The following ME3 variants were observed in gnomAD, a reference collection of about 807,000 sequenced individuals.
ME3 encodes NADP-dependent malic enzyme, mitochondrial.
Under a neutral mutation model 68.9 loss-of-function variants are expected in ME3, and 48 were observed. The observed-to-expected ratio is 0.70, with a 90% CI of 0.55 to 0.89. The LOEUF (loss-of-function observed/expected upper bound fraction) is 0.89, where lower values mean the gene tolerates loss of function less well. ME3 is among the 40% of genes least tolerant of loss of function. The pLI is 0.00. For synonymous variants in ME3, 320 were observed against 318.8 expected, an observed-to-expected ratio of 1.00 and a Z score of -0.04; for missense variants, 675 against 797.4, an observed-to-expected ratio of 0.85 and a Z score of 1.85.
intron 2 of ME3, among the ~76,000 whole-genome samples, chr11:86,666,357 A>T (rs1042999894): frequency 3.9e-5 from 6 of 152,236 alleles, no homozygotes; most frequent in African/African-American, 1.2e-4. Context: ...ACTGGATGGC[A>T]GAGAAACAAA....
intron 8 of ME3, chr11:86,457,240 T>C (rs1949991724): frequency 6.5e-6 from 1 of 154,106 alleles, no homozygotes; most frequent in Non-Finnish European, 1.4e-5. Context: ...TGGTCCTATA[T>C]GTCCCACCCT....
chr11:86,477,832 T>C (rs1346309010), intron 7 of ME3, among the ~76,000 whole-genome samples: 1 of 152,164 alleles, frequency 6.6e-6, no homozygotes, highest in African/African-American at 2.4e-5. Flanking sequence ...GTATGCATTT[T>C]GATAGTCTCC....
intron 2 of ME3, among the ~76,000 whole-genome samples, chr11:86,611,649 T>C (rs1402110648): frequency 6.6e-6 from 1 of 151,576 alleles, no homozygotes; most frequent in Non-Finnish European, 1.5e-5. Context: ...AGTGCTGTAT[T>C]CAAAGGAGGG....
chr11:86,637,023 A>T (rs17149223), intron 2 of ME3, among the ~76,000 whole-genome samples: 14,412 of 152,256 alleles, frequency 0.095, 704 homozygotes, highest in South Asian at 0.13. Context: ...GCCTGCCATC[A>T]TTCTTGAATC....
intron 7 of ME3, among the ~76,000 whole-genome samples, chr11:86,487,053 G>A (rs145070497): frequency 6.6e-6 from 1 of 152,142 alleles, no homozygotes; most frequent in African/African-American, 2.4e-5. Flanking sequence ...AGGCCAAGGG[G>A]GTTTTTCTCC....
chr11:86,534,073 GTGTGTGTGTATA>G (rs1396138851), intron 4 of ME3, among the ~76,000 whole-genome samples: 5,260 of 74,380 alleles, frequency 0.071, 110 homozygotes, highest in South Asian at 0.22. Flanking sequence ...TGAGGTGTGT[GTGTGTGTGTATA>G]TATATATATA....
chr11:86,654,774 G>A (rs1180593282), intron 2 of ME3, among the ~76,000 whole-genome samples: 8 of 152,116 alleles, frequency 5.3e-5, no homozygotes, highest in African/African-American at 1.9e-4. Flanking sequence ...AGGAAATAAA[G>A]GTCATTCAAT....
chr11:86,644,736 G>A lies in ME3; in HGVS notation c.183+27026C>T, dbSNP rs115528887. Among the ~76,000 whole-genome samples the A allele has an allele frequency of 3.8e-3, 584 of 152,154 alleles. 4 individuals are homozygous for A. Among genetic ancestry groups the A allele is most frequent in the African/African-American group, 0.013 (549 of 41,472 alleles). On this transcript the variant is annotated intron_variant, in intron 2 of 14. Coordinates refer to ENST00000543262, the Ensembl canonical transcript of ME3. Reference sequence around the variant, plus strand: ...ACACTATACTCTGTTTATTTATTCCGTACCACCAATAACCATTGTTAGGAT... The same window carrying A: ...ACACTATACTCTGTTTATTTATTCCATACCACCAATAACCATTGTTAGGAT...
At chr11:86,556,480 A>G (rs1433140876) in intron 4 of ME3, 73 bp downstream of exon 4, 3 of 1,525,210 alleles carry the variant, frequency 2.0e-6, no homozygotes, top group East Asian at 2.3e-5. Context: ...CCCAATATGC[A>G]TGAAGGGCGG....
At chr11:86,582,388 C>T (rs1315521965) in intron 2 of ME3, among the ~76,000 whole-genome samples, 1 of 152,156 alleles carries the variant, frequency 6.6e-6, no homozygotes, top group Admixed American at 6.6e-5. Context: ...GTCCTTGGCC[C>T]CTACCTGTAA....
At chr11:86,523,591 A>T (rs1225520492) in intron 4 of ME3, among the ~76,000 whole-genome samples, 1 of 152,222 alleles carries the variant, frequency 6.6e-6, no homozygotes, top group Admixed American at 6.5e-5. Flanking sequence ...TTTTGGCAGA[A>T]AATAATTGTT....
chr11:86,458,783 A>T (rs1001030123), intron 8 of ME3, among the ~76,000 whole-genome samples: 1 of 152,110 alleles, frequency 6.6e-6, no homozygotes, highest in African/African-American at 2.4e-5. Flanking sequence ...GACAGCTGGA[A>T]ATAATCCCTG....
At chr11:86,586,959 T>C (rs1432402485) in intron 2 of ME3, among the ~76,000 whole-genome samples, 1 of 151,920 alleles carries the variant, frequency 6.6e-6, no homozygotes, top group Non-Finnish European at 1.5e-5. Context: ...CCAAGTAAAA[T>C]GGGGTGGAGA....
At chr11:86,616,678 G>T (rs1175893711) in intron 2 of ME3, among the ~76,000 whole-genome samples, 1 of 152,064 alleles carries the variant, frequency 6.6e-6, no homozygotes, top group Non-Finnish European at 1.5e-5. Context: ...ACCTAGTTGG[G>T]GGACATTCTA....
chr11:86,627,939 A>G (rs1185328630), intron 2 of ME3, among the ~76,000 whole-genome samples: 1 of 152,014 alleles, frequency 6.6e-6, no homozygotes, highest in African/African-American at 2.4e-5. Context: ...TGAAAATATC[A>G]CCCTTTCCAG....
At chr11:86,660,099 C>G (rs371545451) in intron 2 of ME3, among the ~76,000 whole-genome samples, 1 of 152,182 alleles carries the variant, frequency 6.6e-6, no homozygotes, top group Non-Finnish European at 1.5e-5. Flanking sequence ...AGGCAAATGT[C>G]TAGATTATCC....
At chr11:86,488,829 T>C (rs1427240545) in intron 6 of ME3, among the ~76,000 whole-genome samples, 1 of 152,218 alleles carries the variant, frequency 6.6e-6, no homozygotes, top group Non-Finnish European at 1.5e-5. Context: ...AGACACATTA[T>C]ACTGCAGGGC....
chr11:86,448,181 C>T (rs34662182), exon 11 of ME3: 118,081 of 1,613,618 alleles, frequency 0.073, 4,908 homozygotes, highest in Non-Finnish European at 0.086. Context: ...CCAGCCTCAC[C>T]ACCTCCTCCA....
intron 2 of ME3, among the ~76,000 whole-genome samples, chr11:86,583,916 A>T (rs1326489431): frequency 1.3e-5 from 2 of 152,232 alleles, no homozygotes; most frequent in Non-Finnish European, 2.9e-5. Context: ...CAATGATTTT[A>T]TAGATACAAT....
Sources: gnomAD v4.1 joint callset for allele counts (sites outside exome capture counted in the v4.1 genomes callset) on GRCh38, gnomAD v4.1.1 for gene constraint, MANE v1.5 for transcripts, NCBI Gene and HGNC (gene_info 2026-07-23, HGNC 2026-07-21) for gene names.